Variants in AKT3 observed in about 807,000 individuals in gnomAD.
AKT3 encodes the protein RAC-gamma serine/threonine-protein kinase.
Under a neutral mutation model 65.3 loss-of-function variants are expected in AKT3, and 15 were observed. That is an observed-to-expected ratio of 0.23 (90% CI 0.15 to 0.35). The LOEUF (loss-of-function observed/expected upper bound fraction) is 0.35, where lower values mean the gene tolerates loss of function less well. AKT3 is among the 10% of genes least tolerant of loss of function. The pLI is 1.00. For synonymous variants in AKT3, 206 were observed against 183.8 expected (o/e 1.12, Z -0.98); for missense variants, 243 against 576.5 (o/e 0.42, Z 5.92).
chr1:243,785,212 G>A (rs1485354496), intron 2 of AKT3, among the ~76,000 whole-genome samples: 1 of 151,854 alleles, frequency 6.6e-6, no homozygotes, highest in Non-Finnish European at 1.5e-5. Flanking sequence ...GGGACTACAG[G>A]CGCCAGCCAC....
chr1:243,823,259 G>C (rs1693969115), intron 2 of AKT3, among the ~76,000 whole-genome samples: 1 of 151,968 alleles, frequency 6.6e-6, no homozygotes, highest in Non-Finnish European at 1.5e-5. Flanking sequence ...CAATAAATTA[G>C]GTATTTATGG....
chr1:243,562,488 T>C (rs960794854), intron 10 of AKT3, among the ~76,000 whole-genome samples: 1 of 152,206 alleles, frequency 6.6e-6, no homozygotes. Flanking sequence ...ACTCCAATTA[T>C]AAAAATATCT....
intron 6 of AKT3, among the ~76,000 whole-genome samples, chr1:243,621,179 A>T (rs927874189): frequency 6.6e-6 from 1 of 152,124 alleles, no homozygotes; most frequent in African/African-American, 2.4e-5. Flanking sequence ...TAAGACTAGA[A>T]CCCAGGTCTG....
chr1:243,631,415 A>G (rs935288569), intron 6 of AKT3, among the ~76,000 whole-genome samples: 2 of 152,136 alleles, frequency 1.3e-5, no homozygotes, highest in Admixed American at 6.5e-5. Flanking sequence ...CAGCCTCCCA[A>G]GTAGCTGGGA....
chr1:243,750,840 C>T (rs1688768661), intron 2 of AKT3, among the ~76,000 whole-genome samples: 1 of 151,958 alleles, frequency 6.6e-6, no homozygotes, highest in Admixed American at 6.6e-5. Context: ...CCTCGGCCTC[C>T]CAAAGTGCTG....
chr1:243,609,546 T>C (rs1046262717), intron 8 of AKT3, among the ~76,000 whole-genome samples: 1 of 152,094 alleles, frequency 6.6e-6, no homozygotes, highest in African/African-American at 2.4e-5. Flanking sequence ...TAATCCTAGC[T>C]ACTCGGGAGA....
rs573128059 is a variant in AKT3 at position 243,660,078 on chromosome 1, T to C, written c.284+4694A>G. Among the ~76,000 whole-genome samples the C allele has an allele frequency of 5.9e-4, 89 of 152,120 alleles. 4 individuals carry two copies. In the South Asian group the frequency reaches 0.018, roughly 31 times the overall value. ...TGGTACCAGTTCCTCCTTGTACCTC[T>C]GGTAGAATTCGGCTGTGAATCCATC... On this transcript the variant is annotated intron_variant, in intron 4 of 13. Transcript: ENST00000673466.
intron 2 of AKT3, among the ~76,000 whole-genome samples, chr1:243,698,158 A>G (rs1685180174): frequency 5.3e-5 from 8 of 152,044 alleles, no homozygotes; most frequent in Admixed American, 4.6e-4. Context: ...ATTTATTCCT[A>G]TATAAAATTC....
intron 2 of AKT3, among the ~76,000 whole-genome samples, chr1:243,815,597 G>A (rs1693461027): frequency 6.7e-6 from 1 of 150,004 alleles, no homozygotes; most frequent in South Asian, 2.1e-4. Context: ...AAACCACTCT[G>A]ATACCAAAAT....
intron 2 of AKT3, among the ~76,000 whole-genome samples, chr1:243,819,047 C>T (rs1355901020): frequency 5.9e-5 from 9 of 152,238 alleles, no homozygotes; most frequent in South Asian, 2.1e-4. Flanking sequence ...CCTCATGAGC[C>T]GATGCCACCA....
chr1:243,562,116 T>C (rs1389845933), intron 10 of AKT3, among the ~76,000 whole-genome samples: 2 of 152,156 alleles, frequency 1.3e-5, no homozygotes, highest in Non-Finnish European at 2.9e-5. Context: ...AAATGTGGTA[T>C]ATCCATATAA....
chr1:243,539,034 T>C (rs1233005065), intron 12 of AKT3, among the ~76,000 whole-genome samples: 1 of 152,092 alleles, frequency 6.6e-6, no homozygotes, highest in Non-Finnish European at 1.5e-5. Flanking sequence ...AGTAAGAATA[T>C]AGAAGACATA....
intron 2 of AKT3, among the ~76,000 whole-genome samples, chr1:243,819,861 G>A (rs900703149): frequency 6.6e-6 from 1 of 152,198 alleles, no homozygotes; most frequent in African/African-American, 2.4e-5. Context: ...GGATCCAAAC[G>A]CACAGGGTCT....
chr1:243,557,869 G>A (rs1343083491), intron 10 of AKT3, among the ~76,000 whole-genome samples: 1 of 151,886 alleles, frequency 6.6e-6, no homozygotes, highest in East Asian at 1.9e-4. Flanking sequence ...AAAATGTTAG[G>A]GTTGTCCACA....
At chr1:243,728,759 T>C (rs923855293) in intron 2 of AKT3, among the ~76,000 whole-genome samples, 4 of 152,104 alleles carry the variant, frequency 2.6e-5, no homozygotes, top group Admixed American at 6.5e-5. Flanking sequence ...AAGCACAAAC[T>C]CATTTGCAGT....
At chr1:243,723,095 A>T (rs1389902829) in intron 2 of AKT3, among the ~76,000 whole-genome samples, 1 of 152,340 alleles carries the variant, frequency 6.6e-6, no homozygotes, top group East Asian at 1.9e-4. Flanking sequence ...CAGGCCCTTT[A>T]TCTGAGGGAT....
At chr1:243,623,220 A>T (rs754271611) in intron 6 of AKT3, among the ~76,000 whole-genome samples, 1 of 152,204 alleles carries the variant, frequency 6.6e-6, no homozygotes, top group Non-Finnish European at 1.5e-5. Flanking sequence ...TGAGCATCTC[A>T]GGGCAGTCAT....
At chr1:243,797,887 CTT>C (rs561166742) in intron 2 of AKT3, among the ~76,000 whole-genome samples, 2 of 141,622 alleles carry the variant, frequency 1.4e-5, no homozygotes, top group Non-Finnish European at 3.1e-5. Context: ...AACAGTTTTT[CTT>C]TTTTTTTTTT....
chr1:243,738,487 A>G (rs1363532776), intron 2 of AKT3, among the ~76,000 whole-genome samples: 1 of 152,228 alleles, frequency 6.6e-6, no homozygotes, highest in African/African-American at 2.4e-5. Flanking sequence ...GGAGGTGTCT[A>G]GTAAACCTTC....
Sources: allele counts gnomAD v4.1 joint callset (sites outside exome capture counted in the v4.1 genomes callset), GRCh38; gene constraint gnomAD v4.1.1; transcripts MANE v1.5; gene names NCBI Gene and HGNC (gene_info 2026-07-23, HGNC 2026-07-21).